POLG2: variants seen among roughly 807,000 people sequenced by gnomAD.
The protein encoded by POLG2 is DNA polymerase subunit gamma-2.
In POLG2, 50 loss-of-function variants were observed where a neutral mutation model predicts 56.5. The ratio of observed to expected loss-of-function variants is 0.88; its 90% CI spans 0.71 to 1.12. The LOEUF (loss-of-function observed/expected upper bound fraction) is 1.12, where lower values mean the gene tolerates loss of function less well. POLG2 is among the 50% of genes most tolerant of loss of function. The probability of loss-of-function intolerance (pLI) is 0.00; values close to 1 mark genes in which losing one functional copy is unlikely to be tolerated. For missense variants in POLG2, 584 were observed against 583.3 expected (o/e 1.00, Z -0.01); for synonymous variants, 226 against 222.6 (o/e 1.02, Z -0.14).
At chr17:64,479,559 G>T (rs2037822869) in intron 7 of POLG2, among the ~76,000 whole-genome samples, 1 of 151,934 alleles carries the variant, frequency 6.6e-6, no homozygotes, top group African/African-American at 2.4e-5. Context: ...TCACCCAAAA[G>T]ATACATATTC....
chr17:64,484,406 A>G (rs527923164), intron 5 of POLG2, among the ~76,000 whole-genome samples: 1 of 152,344 alleles, frequency 6.6e-6, no homozygotes, highest in African/African-American at 2.4e-5. Flanking sequence ...TAGCAAGGTC[A>G]GTGCTGCTGG....
chr17:64,481,921 A>G (rs1334962457), intron 6 of POLG2, among the ~76,000 whole-genome samples: 2 of 151,320 alleles, frequency 1.3e-5, no homozygotes, highest in African/African-American at 2.5e-5. Flanking sequence ...GAAAGAAATA[A>G]TTCACATTCA....
chr17:64,485,482 T>A, intron 5 of POLG2: 1 of 498,416 alleles, frequency 2.0e-6, no homozygotes, highest in Non-Finnish European at 3.6e-6. Context: ...GTCATAGAGA[T>A]AGCTGTCTGT....
rs1420754785 is a variant in POLG2 at position 64,492,654 on chromosome 17, A to G, written c.795+13T>C. 2.7e-6 allele frequency: 4 copies of G among 1,478,882 alleles called. No individual in the cohort carries two copies. The highest frequency in any genetic ancestry group is 1.4e-5 in the African/African-American group (1 of 72,414). The allele number at this position is 1,478,882 out of a possible 1,614,324, so 91.6% of individuals were successfully genotyped here. On this transcript the variant is annotated intron_variant, in intron 3 of 7. Coordinates refer to ENST00000539111, the MANE Select transcript of POLG2 (RefSeq NM_007215.4). ...TGTATTAACTATTAAATTAAAGGTAATTATTGCAGTACCTTTCTCCACCAC... is the reference window on the plus strand; with the variant it reads ...TGTATTAACTATTAAATTAAAGGTAGTTATTGCAGTACCTTTCTCCACCAC...
At chr17:64,482,690 GGGTTA>G (rs1247613780) in intron 6 of POLG2, among the ~76,000 whole-genome samples, 1 of 152,190 alleles carries the variant, frequency 6.6e-6, no homozygotes, top group Non-Finnish European at 1.5e-5. Flanking sequence ...CTTAGAGTAA[GGGTTA>G]GGTTGAGCAT....
intron 4 of POLG2, among the ~76,000 whole-genome samples, chr17:64,488,927 AGAGTGAG>A (rs1159441697): frequency 6.6e-6 from 1 of 152,164 alleles, no homozygotes; most frequent in Non-Finnish European, 1.5e-5. Flanking sequence ...CCTGGGCAAC[AGAGTGAG>A]ATGCTGTCTC....
chr17:64,480,311 A>C lies in POLG2; in HGVS notation c.1270T>G (p.Ser424Ala). The change falls in exon 7 of 8, where the codon TCA becomes GCA. Residue 424 changes from serine to alanine, a missense_variant. Physicochemically the swap from Ser to Ala is moderately conservative, Grantham distance 99. Coordinates refer to ENST00000539111, the MANE Select transcript of POLG2 (RefSeq NM_007215.4). ...TACTTCGAATAAAGTTGTTCCAATG[A>C]GGACTGCATAGTTTCCAAATAACCA... is the stretch of plus-strand genomic sequence containing the variant. ...WPGYLETMQS[S>A]LEQLYSKYDE... is the part of the protein sequence containing the mutation. The C allele has an allele frequency of 6.4e-7, 1 of 1,571,408 alleles. No individual in the cohort carries two copies.
In POLG2 at chr17:64,485,488, T is replaced by A. The variant is rs188089986; in HGVS notation, c.1110+240A>T. The A allele has an allele frequency of 2.0e-4, 102 of 514,360 alleles. No individual in the cohort carries two copies. In the East Asian group the frequency reaches 2.5e-3, roughly 13 times the overall value. The allele number at this position is 514,360 out of a possible 1,614,324, so 31.9% of individuals were successfully genotyped here. On this transcript the variant is annotated intron_variant, in intron 5 of 7. Transcript: ENST00000539111. ...GGGCTAGGAGTCATAGAGATAGCTG[T>A]CTGTTCACAATTAAACAGAAATGCC...
chr17:64,491,492 AGAGT>A, intron 3 of POLG2: 1 of 1,385,102 alleles, frequency 7.2e-7, no homozygotes, highest in Admixed American at 1.7e-5. Context: ...CCCGGGCAAA[AGAGT>A]GAGACTATGT....
rs782664223 is a variant in POLG2 at position 64,496,813 on chromosome 17, C to A, written c.156G>T (p.Gly52=). The A allele has an allele frequency of 3.5e-5, 56 of 1,613,688 alleles. No individual in the cohort carries two copies. Among genetic ancestry groups the A allele is most frequent in the Non-Finnish European group, 4.5e-5 (53 of 1,180,018 alleles). The part of the protein sequence containing the change: ...GHVKSHAELE[G]NGEHPEAPGS... The stretch of plus-strand genomic sequence containing the variant: ...CGGGGGCTTCTGGGTGCTCGCCGTT[C>A]CCCTCGAGCTCCGCGTGCGACTTCA... The change falls in exon 1 of 8, where the codon GGG becomes GGT. Residue 52 remains glycine (G), a synonymous_variant. Transcript: ENST00000539111.
Position 64,482,985 on chromosome 17 carries a change from G to T in POLG2, c.1125C>A (p.His375Gln). The change falls in exon 6 of 8, where the codon CAC becomes CAA. Residue 375 changes from histidine to glutamine, a missense_variant. Physicochemically the swap from His to Gln is conservative, Grantham distance 24. Transcript: ENST00000539111. ...KNLHRKVLKL[H>Q]PCLAPIKVAL... ...CAACCTTAATAGGGGCTAAACAAGG[G>T]TGAAGTTTAAGTACCTAAGGCAATT... 1 of 1,602,342 alleles carries T rather than the reference G, an allele frequency of 6.2e-7. No individual in the cohort carries two copies. Among genetic ancestry groups the T allele is most frequent in the Non-Finnish European group, 8.6e-7 (1 of 1,169,552 alleles).
chr17:64,480,263 C>A, intron 7 of POLG2, 26 bp downstream of exon 7: 1 of 1,047,656 alleles, frequency 9.5e-7, no homozygotes, highest in Non-Finnish European at 1.5e-6. Flanking sequence ...AATAAATACA[C>A]TCTTTAATGA....
intron 6 of POLG2, among the ~76,000 whole-genome samples, chr17:64,481,639 G>A (rs1422677616): frequency 1.3e-5 from 2 of 152,124 alleles, no homozygotes; most frequent in South Asian, 4.1e-4. Context: ...TTGGGAGGCC[G>A]AGGTGGGCGG....
intron 3 of POLG2, chr17:64,491,546 G>A: frequency 6.5e-7 from 1 of 1,549,148 alleles, no homozygotes; most frequent in South Asian, 1.1e-5. Flanking sequence ...TACCAGTGAA[G>A]GACAAGAAAC....
At chr17:64,487,371 C>G (rs2037976006) in intron 4 of POLG2, 1 of 152,050 alleles carries the variant, frequency 6.6e-6, no homozygotes, top group Non-Finnish European at 1.5e-5. Flanking sequence ...CCCAGCACAT[C>G]GGGAGGCCAT....
At chr17:64,481,813 T>G (rs1555666517) in intron 6 of POLG2, among the ~76,000 whole-genome samples, 1 of 151,934 alleles carries the variant, frequency 6.6e-6, no homozygotes, top group African/African-American at 2.4e-5. Context: ...AGGCAGAGGT[T>G]GCAGTGAGCC....
chr17:64,490,504 T>C lies in POLG2; in HGVS notation c.969+292A>G, dbSNP rs75434876. ...ACGCAAGACAAGAGGAATTGTTCAT[T>C]TGAAGGAGTGTAAAGGCATATGACA... On this transcript the variant is annotated intron_variant, in intron 4 of 7. Transcript: ENST00000539111. 6.6e-4 allele frequency: 257 copies of C among 388,092 alleles called. 1 individual carries two copies. Among genetic ancestry groups the C allele is most frequent in the Non-Finnish European group, 8.8e-4 (183 of 207,964 alleles). The allele number at this position is 388,092 out of a possible 1,614,324, so 24.0% of individuals were successfully genotyped here.
At chr17:64,487,487 G>A (rs1299114146) in intron 4 of POLG2, 4 of 152,004 alleles carry the variant, frequency 2.6e-5, no homozygotes, top group African/African-American at 9.7e-5. Flanking sequence ...GGTGGTGCAT[G>A]CTTGTAATCC....
chr17:64,492,182 A>C (rs1196304589), intron 3 of POLG2, among the ~76,000 whole-genome samples: 1 of 152,200 alleles, frequency 6.6e-6, no homozygotes, highest in Non-Finnish European at 1.5e-5. Flanking sequence ...ACTCGTGATT[A>C]TTTCATACAG....
Sources: gnomAD v4.1 joint callset for allele counts (sites outside exome capture counted in the v4.1 genomes callset) on GRCh38, gnomAD v4.1.1 for gene constraint, MANE v1.5 for transcripts, NCBI Gene and HGNC (gene_info 2026-07-23, HGNC 2026-07-21) for gene names.